Variants in PTPRD observed in about 807,000 individuals in gnomAD.
PTPRD encodes the protein protein tyrosine phosphatase receptor type D, also known as receptor-type tyrosine-protein phosphatase delta.
PTPRD carries 34 observed loss-of-function variants against 214.5 expected under a neutral mutation model. The observed-to-expected ratio is 0.16, with a 90% CI of 0.12 to 0.21. The LOEUF (loss-of-function observed/expected upper bound fraction) is 0.21. PTPRD is among the 10% of genes least tolerant of loss of function. PTPRD has a pLI of 1.00. For missense variants in PTPRD, 2,545 were observed against 2,398.7 expected, an observed-to-expected ratio of 1.06 and a Z score of -1.27; for synonymous variants, 1,128 against 845.7, an observed-to-expected ratio of 1.33 and a Z score of -5.79.
intron 12 of PTPRD, among the ~76,000 whole-genome samples, chr9:8,729,226 T>A (rs1598180201): frequency 6.6e-6 from 1 of 152,310 alleles, no homozygotes; most frequent in East Asian, 1.9e-4. Context: ...GCCAAATTAA[T>A]TTTAAATGTG....
intron 7 of PTPRD, among the ~76,000 whole-genome samples, chr9:9,721,570 C>T (rs189959731): frequency 3.0e-4 from 46 of 152,090 alleles, no homozygotes; most frequent in Admixed American, 8.5e-4. Flanking sequence ...AGGAAAAGCC[C>T]GCATTTTGCT....
chr9:9,535,593 G>T (rs1294240644), intron 8 of PTPRD, among the ~76,000 whole-genome samples: 2 of 151,888 alleles, frequency 1.3e-5, no homozygotes, highest in African/African-American at 4.8e-5. Flanking sequence ...CAGCCAATGT[G>T]GTGAAAATAT....
At chr9:9,871,812 T>C (rs2065529367) in intron 5 of PTPRD, among the ~76,000 whole-genome samples, 1 of 151,938 alleles carries the variant, frequency 6.6e-6, no homozygotes, top group Admixed American at 6.6e-5. Context: ...CCTAAGATTA[T>C]CTTCTGGAAA....
At chr9:9,117,669 G>T (rs1250097705) in intron 10 of PTPRD, among the ~76,000 whole-genome samples, 1 of 152,080 alleles carries the variant, frequency 6.6e-6, no homozygotes, top group Admixed American at 6.5e-5. Context: ...ATAAATAAAA[G>T]AATGAATCCC....
chr9:8,599,734 A>G (rs2094716498), intron 14 of PTPRD, among the ~76,000 whole-genome samples: 1 of 149,200 alleles, frequency 6.7e-6, no homozygotes, highest in African/African-American at 2.5e-5. Flanking sequence ...CTCCTGCTTC[A>G]GCCTCCTTGA....
chr9:8,363,063 T>C (rs1465764872), intron 39 of PTPRD, among the ~76,000 whole-genome samples: 21 of 152,214 alleles, frequency 1.4e-4, no homozygotes, highest in Admixed American at 1.4e-3. Context: ...ACTAGGGTTT[T>C]TGAGCATGTG....
chr9:10,012,562 C>T (rs1272149954), intron 4 of PTPRD, among the ~76,000 whole-genome samples: 1 of 151,866 alleles, frequency 6.6e-6, no homozygotes, highest in African/African-American at 2.4e-5. Context: ...GATTACTAAA[C>T]TATAAGAGAG....
At chr9:9,331,827 G>T (rs2042420151) in intron 9 of PTPRD, among the ~76,000 whole-genome samples, 1 of 152,000 alleles carries the variant, frequency 6.6e-6, no homozygotes, top group African/African-American at 2.4e-5. Flanking sequence ...CTGTTTTGGG[G>T]CTTGGGAGAT....
At chr9:8,609,342 A>T (rs763444916) in intron 14 of PTPRD, among the ~76,000 whole-genome samples, 4 of 152,196 alleles carry the variant, frequency 2.6e-5, no homozygotes, top group Non-Finnish European at 5.9e-5. Context: ...AGGATATGGG[A>T]TGTGAAGTCA....
At chr9:10,381,671 CTCTT>C (rs2097827725) in intron 2 of PTPRD, among the ~76,000 whole-genome samples, 1 of 151,960 alleles carries the variant, frequency 6.6e-6, no homozygotes, top group Non-Finnish European at 1.5e-5. Context: ...AAGGACATAA[CTCTT>C]TCAGGAAACT....
At chr9:10,247,411 A>G (rs1038908920) in intron 3 of PTPRD, among the ~76,000 whole-genome samples, 1 of 152,356 alleles carries the variant, frequency 6.6e-6, no homozygotes, top group African/African-American at 2.4e-5. Context: ...ATTAATCCCT[A>G]AACAATAAGT....
chr9:10,404,231 C>T (rs187793397), intron 2 of PTPRD, among the ~76,000 whole-genome samples: 19 of 151,726 alleles, frequency 1.3e-4, no homozygotes. Context: ...AGATTCTCAA[C>T]CAGGGGTGGT....
At chr9:9,202,651 G>A (rs1459797142) in intron 9 of PTPRD, among the ~76,000 whole-genome samples, 1 of 152,144 alleles carries the variant, frequency 6.6e-6, no homozygotes, top group Non-Finnish European at 1.5e-5. Flanking sequence ...CTGTCTTGCA[G>A]TTGTGAATTA....
chr9:9,070,324 C>A (rs931915343), intron 10 of PTPRD, among the ~76,000 whole-genome samples: 2 of 152,070 alleles, frequency 1.3e-5, no homozygotes, highest in African/African-American at 4.8e-5. Context: ...AAGAAATATG[C>A]TATTTTCCTT....
At chr9:9,076,169 G>A (rs1384282496) in intron 10 of PTPRD, among the ~76,000 whole-genome samples, 1 of 152,152 alleles carries the variant, frequency 6.6e-6, no homozygotes, top group Non-Finnish European at 1.5e-5. Flanking sequence ...CAGTGATGAT[G>A]AGCATTTTTT....
At chr9:8,784,610 ACTTTTAAGAGTGTGC>A (rs1482374796) in intron 11 of PTPRD, among the ~76,000 whole-genome samples, 1 of 151,642 alleles carries the variant, frequency 6.6e-6, no homozygotes, top group Non-Finnish European at 1.5e-5. Flanking sequence ...ATTCGGCAAA[ACTTTTAAGAGTGTGC>A]CTCTGAGAAA....
intron 39 of PTPRD, among the ~76,000 whole-genome samples, chr9:8,353,864 A>ATGTATATATGTGTATATG (rs1564200622): frequency 4.7e-4 from 48 of 102,880 alleles, no homozygotes; most frequent in African/African-American, 2.4e-3. Flanking sequence ...ATGTGTATAT[A>ATGTATATATGTGTATATG]TGTATATATG....
At chr9:9,494,851 A>C (rs1465116279) in intron 8 of PTPRD, among the ~76,000 whole-genome samples, 2 of 152,194 alleles carry the variant, frequency 1.3e-5, no homozygotes, top group South Asian at 4.1e-4. Flanking sequence ...ACCCTGGATT[A>C]CCAAAACAAT....
chr9:9,523,518 C>T (rs1318620911), intron 8 of PTPRD, among the ~76,000 whole-genome samples: 4 of 151,402 alleles, frequency 2.6e-5, no homozygotes, highest in Non-Finnish European at 5.9e-5. Flanking sequence ...TATCTAACTC[C>T]TGTTCTATCT....
Sources: allele counts gnomAD v4.1 joint callset (sites outside exome capture counted in the v4.1 genomes callset), GRCh38; gene constraint gnomAD v4.1.1; transcripts MANE v1.5; gene names NCBI Gene and HGNC (gene_info 2026-07-23, HGNC 2026-07-21).